Variants in PARD6G observed in about 807,000 individuals in gnomAD.
PARD6G encodes par-6 family cell polarity regulator gamma.
PARD6G carries 7 observed loss-of-function variants against 10.7 expected under a neutral mutation model. The observed-to-expected ratio is 0.66, with a 90% CI of 0.37 to 1.23. The LOEUF (loss-of-function observed/expected upper bound fraction) is 1.23, where lower values mean the gene tolerates loss of function less well. Ranked by LOEUF, PARD6G falls within the 50% of genes most tolerant of loss-of-function variation. PARD6G has a pLI of 0.02. For synonymous variants in PARD6G, 287 were observed against 269.4 expected (o/e 1.07, Z -0.64); for missense variants, 548 against 571.8 (o/e 0.96, Z 0.42).
At chr18:80,239,967 G>A (rs996932196) in intron 1 of PARD6G, among the ~76,000 whole-genome samples, 3 of 152,078 alleles carry the variant, frequency 2.0e-5, no homozygotes, top group East Asian at 1.9e-4. Flanking sequence ...GAAGGTGGAA[G>A]GAGAGCCGGC....
intron 1 of PARD6G, among the ~76,000 whole-genome samples, chr18:80,233,116 C>G (rs9957150): frequency 0.025 from 3,879 of 152,266 alleles, 160 homozygotes; most frequent in African/African-American, 0.089. Flanking sequence ...CGTCAACATA[C>G]CATTTATTTC....
rs1362380025 is a variant in PARD6G at position 80,246,526 on chromosome 18, G to A, written c.72+751C>T. On this transcript the variant is annotated intron_variant, in intron 1 of 2. Transcript: ENST00000353265. This position sits in a 1 kb window ranked among gnomAD's most constrained non-coding sequence, Gnocchi z 6.7. ...ACGGGTCTGATCCGGGGGCGCGCTC[G>A]GGAGGGGTCTGGGTCTGAGCCGGGG... Among the ~76,000 whole-genome samples the A allele has an allele frequency of 6.6e-6, 1 of 151,310 alleles. No individual in the cohort carries two copies. Among genetic ancestry groups the A allele is most frequent in the Admixed American group, 6.6e-5 (1 of 15,220 alleles).
At chr18:80,174,970 C>G (rs2052800234) in intron 2 of PARD6G, among the ~76,000 whole-genome samples, 1 of 152,066 alleles carries the variant, frequency 6.6e-6, no homozygotes, top group Non-Finnish European at 1.5e-5. Flanking sequence ...AAAAAAATGT[C>G]CATTGTAAAA....
intron 1 of PARD6G, among the ~76,000 whole-genome samples, chr18:80,208,739 T>A (rs1187620014): frequency 6.6e-6 from 1 of 151,724 alleles, no homozygotes; most frequent in Non-Finnish European, 1.5e-5. Context: ...CTTGTTTATG[T>A]TAAAAAAAAA....
intron 1 of PARD6G, among the ~76,000 whole-genome samples, chr18:80,236,529 G>C (rs1450382567): frequency 6.6e-6 from 1 of 152,102 alleles, no homozygotes; most frequent in Non-Finnish European, 1.5e-5. Flanking sequence ...AAGAAATAAA[G>C]GGTATTCAGT....
chr18:80,199,124 A>C (rs1966985151), intron 2 of PARD6G, among the ~76,000 whole-genome samples: 1 of 152,218 alleles, frequency 6.6e-6, no homozygotes, highest in Non-Finnish European at 1.5e-5. Context: ...TGTTCTCTAA[A>C]GTTGACATGG....
intron 1 of PARD6G, among the ~76,000 whole-genome samples, chr18:80,237,142 CA>C (rs529261105): frequency 0.025 from 3,863 of 151,876 alleles, 156 homozygotes; most frequent in African/African-American, 0.089. Context: ...GTACTGGTAC[CA>C]AAAAAAGAGA....
Position 80,159,918 on chromosome 18 carries a change from G to C in PARD6G, c.984C>G (p.Gly328=). The C allele has an allele frequency of 6.6e-7, 1 of 1,514,012 alleles. No homozygotes were observed. The allele number at this position is 1,514,012 out of a possible 1,614,324, so 93.8% of individuals were successfully genotyped here. Residue 328 remains glycine (G), a synonymous_variant, in exon 3 of 3, where the codon GGC becomes GGG. Coordinates refer to ENST00000353265, the MANE Select transcript of PARD6G (RefSeq NM_032510.4). ...GCTGCAGCCGCTGCGCCAGGCCCGC[G>C]CCATTGACCCGGGAGAGGCTGCCTG... ...APAGSLSRVN[G]AGLAQRLQRD...
chr18:80,203,010 T>C (rs1468987930), intron 1 of PARD6G, 78 bp from the exon 2 acceptor site: 2 of 953,666 alleles, frequency 2.1e-6, no homozygotes, highest in African/African-American at 1.6e-5. Context: ...GTGTGGTTAG[T>C]GTACTTAACA....
At chr18:80,242,249 A>G (rs916158698) in intron 1 of PARD6G, among the ~76,000 whole-genome samples, 9 of 152,234 alleles carry the variant, frequency 5.9e-5, no homozygotes, top group African/African-American at 2.2e-4. Context: ...GACATGCACA[A>G]ATACAACAAA....
intron 1 of PARD6G, among the ~76,000 whole-genome samples, chr18:80,245,624 A>G (rs1967535825): frequency 6.6e-6 from 1 of 152,174 alleles, no homozygotes; most frequent in African/African-American, 2.4e-5. Flanking sequence ...TCTCACAGCT[A>G]CTTGTGAATG....
intron 1 of PARD6G, among the ~76,000 whole-genome samples, chr18:80,223,465 T>G (rs9956538): frequency 0.026 from 3,900 of 152,204 alleles, 154 homozygotes; most frequent in African/African-American, 0.089. Context: ...CAAATAACTT[T>G]AATAGACATT....
rs889156216 is a variant in PARD6G, at chr18:80,175,172, C to G, written c.296-14566G>C. Among the ~76,000 whole-genome samples, 1 of 152,192 alleles carries G rather than the reference C, an allele frequency of 6.6e-6. No individual in the cohort carries two copies. The highest frequency in any genetic ancestry group is 2.4e-5 in the African/African-American group (1 of 41,444). ...CACTTCCCCAGACTATTTAGTGCAACTAACACATGCTAGATGGGAAACACA... is the reference window on the plus strand; with the variant it reads ...CACTTCCCCAGACTATTTAGTGCAAGTAACACATGCTAGATGGGAAACACA... On this transcript the variant is annotated intron_variant, in intron 2 of 2. Coordinates refer to ENST00000353265, the MANE Select transcript of PARD6G (RefSeq NM_032510.4). This position sits in a 1 kb window ranked among gnomAD's most constrained non-coding sequence, Gnocchi z 6.7.
At chr18:80,236,425 C>A (rs1967423466) in intron 1 of PARD6G, among the ~76,000 whole-genome samples, 1 of 152,124 alleles carries the variant, frequency 6.6e-6, no homozygotes, top group Non-Finnish European at 1.5e-5. Context: ...GGAAGCATTC[C>A]CTTTGAAAAC....
At position 80,246,489 on chromosome 18, in the gene PARD6G, G is replaced by T. The variant is rs1421789040; in HGVS notation, c.72+788C>A. On this transcript the variant is annotated intron_variant, in intron 1 of 2. Coordinates refer to ENST00000353265, the MANE Select transcript of PARD6G (RefSeq NM_032510.4). The surrounding 1 kb of genome is among the most constrained non-coding windows in gnomAD (Gnocchi z 6.7). ...GGGAGGGGCCGGGCACGCCCGTGGG[G>T]GTGGTCTGGGTACGGGTCTGATCCG... is the stretch of plus-strand genomic sequence containing the variant. Among the ~76,000 whole-genome samples the T allele has an allele frequency of 6.6e-6, 1 of 152,232 alleles. No homozygotes were observed. Among genetic ancestry groups the T allele is most frequent in the Non-Finnish European group, 1.5e-5 (1 of 67,982 alleles).
At chr18:80,208,870 A>T (rs955887281) in intron 1 of PARD6G, among the ~76,000 whole-genome samples, 1 of 152,212 alleles carries the variant, frequency 6.6e-6, no homozygotes, top group Non-Finnish European at 1.5e-5. Flanking sequence ...TAATCTCAGC[A>T]CTTTGGGAGG....
At chr18:80,238,491 C>CAAA (rs537780246) in intron 1 of PARD6G, among the ~76,000 whole-genome samples, 13 of 131,580 alleles carry the variant, frequency 9.9e-5, no homozygotes, top group African/African-American at 3.5e-4. Context: ...TAAAGTATAA[C>CAAA]AAAAAAAAAA....
chr18:80,227,070 C>T (rs529525417), intron 1 of PARD6G, among the ~76,000 whole-genome samples: 7 of 152,266 alleles, frequency 4.6e-5, no homozygotes, highest in East Asian at 1.9e-4. Flanking sequence ...ATCCTCCCAC[C>T]GCAGCCTCTC....
At chr18:80,233,980 C>T (rs1346837800) in intron 1 of PARD6G, among the ~76,000 whole-genome samples, 6 of 152,104 alleles carry the variant, frequency 3.9e-5, no homozygotes, top group Admixed American at 3.9e-4. Flanking sequence ...GAACACCCTC[C>T]GAGTGTAGAA....
Sources: allele counts gnomAD v4.1 joint callset (sites outside exome capture counted in the v4.1 genomes callset), GRCh38; gene constraint gnomAD v4.1.1; non-coding constraint Gnocchi (gnomAD v3.1); transcripts MANE v1.5; gene names NCBI Gene and HGNC (gene_info 2026-07-23, HGNC 2026-07-21).